HS6ST3: variants seen among roughly 807,000 people sequenced by gnomAD.
HS6ST3 encodes heparan-sulfate 6-O-sulfotransferase 3.
In HS6ST3, 12 loss-of-function variants were observed where a neutral mutation model predicts 36.7. The ratio of observed to expected loss-of-function variants is 0.33; its 90% CI spans 0.21 to 0.53. The LOEUF is 0.53. HS6ST3 is among the 20% of genes least tolerant of loss of function. The pLI is 0.95. For missense variants in HS6ST3, 584 were observed against 640.9 expected (o/e 0.91, Z 0.96); for synonymous variants, 240 against 257.5 (o/e 0.93, Z 0.65).
chr13:96,565,923 A>G (rs1443882156), intron 1 of HS6ST3, among the ~76,000 whole-genome samples: 1 of 152,202 alleles, frequency 6.6e-6, no homozygotes, highest in Admixed American at 6.5e-5. Flanking sequence ...TCAGAAATAT[A>G]CAGACAGAGG....
chr13:96,403,947 G>T (rs1044256583), intron 1 of HS6ST3, among the ~76,000 whole-genome samples: 9 of 152,144 alleles, frequency 5.9e-5, no homozygotes, highest in African/African-American at 2.2e-4. Flanking sequence ...GAGTAATTGG[G>T]TTGTTCTCCT....
At chr13:96,736,755 T>C (rs941146110) in intron 1 of HS6ST3, among the ~76,000 whole-genome samples, 8 of 152,190 alleles carry the variant, frequency 5.3e-5, no homozygotes, top group Non-Finnish European at 1.0e-4. Context: ...AAAACATTCT[T>C]TGATCAAATT....
At chr13:96,670,457 T>A (rs1007766705) in intron 1 of HS6ST3, among the ~76,000 whole-genome samples, 1 of 152,070 alleles carries the variant, frequency 6.6e-6, no homozygotes, top group African/African-American at 2.4e-5. Context: ...TAATTTTTTT[T>A]AAAGGCATGA....
intron 1 of HS6ST3, among the ~76,000 whole-genome samples, chr13:96,800,003 T>TAC (rs1878026979): frequency 3.3e-5 from 4 of 121,796 alleles, no homozygotes; most frequent in Non-Finnish European, 6.8e-5. Context: ...TATATGTATA[T>TAC]ATATATATAT....
intron 1 of HS6ST3, among the ~76,000 whole-genome samples, chr13:96,136,636 A>G (rs1438325893): frequency 1.3e-5 from 2 of 150,748 alleles, no homozygotes; most frequent in African/African-American, 4.9e-5. Context: ...ACAAAAATCC[A>G]AACCATATCA....
intron 1 of HS6ST3, among the ~76,000 whole-genome samples, chr13:96,284,895 A>G (rs1377054448): frequency 6.8e-6 from 1 of 147,262 alleles, no homozygotes; most frequent in Non-Finnish European, 1.5e-5. Flanking sequence ...GGGCTTTAAG[A>G]TTGAATGCAT....
Position 96,383,720 on chromosome 13 carries a change from G to T in HS6ST3, c.707+292151G>T, listed in dbSNP as rs544782446. 7.3e-5 allele frequency among the ~76,000 whole-genome samples: 5 copies of T among 68,174 alleles called. No homozygotes were observed. The South Asian group carries it at 1.6e-3, about 21-fold the overall frequency. The allele number at this position is 68,174 out of a possible 152,430, so 44.7% of individuals were successfully genotyped here. ...TTCTGCAAGGGGACCCCCTCAAAGT[G>T]GGGGGGACATAGAGGAAGGGGTTAG... On this transcript the variant is annotated intron_variant, in intron 1 of 1. Transcript: ENST00000376705.
Position 96,329,432 on chromosome 13 carries a change from G to A in HS6ST3, c.707+237863G>A, listed in dbSNP as rs1462047039. 1.5e-3 allele frequency among the ~76,000 whole-genome samples: 207 copies of A among 142,742 alleles called. 5 individuals carry two copies. The South Asian group carries it at 0.046, about 32-fold the overall frequency. The allele number at this position is 142,742 out of a possible 152,430, so 93.6% of individuals were successfully genotyped here. ...ACATCTTTATTTCTGCCTTCATTTC[G>A]TTATGTACCCAGTAGTCATTCAGGA... On this transcript the variant is annotated intron_variant, in intron 1 of 1. Coordinates refer to ENST00000376705, the MANE Select transcript of HS6ST3 (RefSeq NM_153456.4).
chr13:96,726,503 C>T (rs1876009142), intron 1 of HS6ST3, among the ~76,000 whole-genome samples: 1 of 152,018 alleles, frequency 6.6e-6, no homozygotes, highest in South Asian at 2.1e-4. Context: ...ATTTCAAATT[C>T]CTACTTTTTG....
intron 1 of HS6ST3, among the ~76,000 whole-genome samples, chr13:96,199,158 TC>T (rs1406407110): frequency 6.6e-6 from 1 of 152,064 alleles, no homozygotes; most frequent in East Asian, 1.9e-4. Flanking sequence ...TCCTCCTAGA[TC>T]CCTCCCACAA....
chr13:96,793,247 A>G (rs1872407999), intron 1 of HS6ST3, among the ~76,000 whole-genome samples: 2 of 152,042 alleles, frequency 1.3e-5, no homozygotes, highest in South Asian at 2.1e-4. Flanking sequence ...AGCTGCACAC[A>G]GAAGGATTCT....
At chr13:96,273,210 A>C (rs1256214616) in intron 1 of HS6ST3, among the ~76,000 whole-genome samples, 1 of 151,916 alleles carries the variant, frequency 6.6e-6, no homozygotes, top group Admixed American at 6.6e-5. Context: ...GCCCTTCCTG[A>C]TGCTTCATGA....
At chr13:96,235,683 C>T (rs2054531402) in intron 1 of HS6ST3, among the ~76,000 whole-genome samples, 1 of 152,066 alleles carries the variant, frequency 6.6e-6, no homozygotes, top group Admixed American at 6.6e-5. Context: ...ACAGATATAA[C>T]ACCTTTACCT....
chr13:96,634,196 T>G (rs907397259), intron 1 of HS6ST3, among the ~76,000 whole-genome samples: 1 of 152,182 alleles, frequency 6.6e-6, no homozygotes, highest in Non-Finnish European at 1.5e-5. Flanking sequence ...TCTATGATCT[T>G]TTGTCATAGC....
chr13:96,196,295 C>A (rs2054312376), intron 1 of HS6ST3, among the ~76,000 whole-genome samples: 1 of 152,132 alleles, frequency 6.6e-6, no homozygotes. Flanking sequence ...AGTTTCGTAG[C>A]TGGTCTGATC....
intron 1 of HS6ST3, among the ~76,000 whole-genome samples, chr13:96,238,371 CA>C (rs1305018490): frequency 2.0e-5 from 3 of 152,312 alleles, no homozygotes; most frequent in African/African-American, 7.2e-5. Flanking sequence ...ATTGGTCAGC[CA>C]AAGTGCTTTC....
At chr13:96,180,936 A>C (rs2054236998) in intron 1 of HS6ST3, among the ~76,000 whole-genome samples, 1 of 152,180 alleles carries the variant, frequency 6.6e-6, no homozygotes, top group Non-Finnish European at 1.5e-5. Context: ...ATAGGGAATA[A>C]GAATGTTTGA....
In HS6ST3 at chr13:96,534,529, A is replaced by G. The variant is rs560947781; in HGVS notation, c.708-297961A>G. The stretch of plus-strand genomic sequence containing the variant: ...ATTGGCACAGGGCCTCCATACGTGA[A>G]GAATCAACATATGTTAGCTTCCATC... On this transcript the variant is annotated intron_variant, in intron 1 of 1. Transcript: ENST00000376705. 3.4e-4 allele frequency among the ~76,000 whole-genome samples: 52 copies of G among 152,346 alleles called. 1 individual carries two copies. In the South Asian group the frequency reaches 7.5e-3, roughly 22 times the overall value.
At chr13:96,145,060 G>C (rs1470925732) in intron 1 of HS6ST3, among the ~76,000 whole-genome samples, 3 of 142,284 alleles carry the variant, frequency 2.1e-5, no homozygotes, top group Admixed American at 7.1e-5. Flanking sequence ...TTGGACATTT[G>C]GGTTGGTTCC....
Sources: gnomAD v4.1 joint callset for allele counts (sites outside exome capture counted in the v4.1 genomes callset) on GRCh38, gnomAD v4.1.1 for gene constraint, MANE v1.5 for transcripts, NCBI Gene and HGNC (gene_info 2026-07-23, HGNC 2026-07-21) for gene names.